Variants in SYNPO2 observed in about 807,000 individuals in gnomAD.
SYNPO2 encodes synaptopodin-2.
A neutral mutation model predicts 85.0 loss-of-function variants in SYNPO2; 56 were observed. The observed-to-expected ratio is 0.66, with a 90% CI of 0.53 to 0.82. The LOEUF (loss-of-function observed/expected upper bound fraction) is 0.82. SYNPO2 is among the 40% of genes least tolerant of loss of function. The pLI, the probability that SYNPO2 is intolerant of heterozygous loss-of-function variation, is 0.00. For synonymous variants in SYNPO2, 602 were observed against 591.1 expected (o/e 1.02, Z -0.27); for missense variants, 1,575 against 1,534.2 (o/e 1.03, Z -0.44).
chr4:118,984,128 C>G (rs1051350319), intron 1 of SYNPO2, among the ~76,000 whole-genome samples: 4 of 152,168 alleles, frequency 2.6e-5, no homozygotes, highest in African/African-American at 9.7e-5. Context: ...TCATGAATCC[C>G]CTCTTCCTCA....
chr4:119,004,077 T>G (rs1736920552), intron 1 of SYNPO2, among the ~76,000 whole-genome samples: 1 of 152,216 alleles, frequency 6.6e-6, no homozygotes, highest in African/African-American at 2.4e-5. Flanking sequence ...ATTCCTGTTT[T>G]CGGCCCTACA....
In SYNPO2 at chr4:119,026,690, C is replaced by T. The variant is rs1737957569; in HGVS notation, c.321C>T (p.Leu107=). Residue 107 remains leucine, a synonymous_variant, in exon 3 of 5, where the codon CTC becomes CTT. Transcript: ENST00000307142. ...SENENKNLEH[L]THGGYVESTT... ...ATGAAAACAAAAACCTCGAGCATCT[C>T]ACACATGGGGGTTATGTGGAAAGTA... The T allele has an allele frequency of 6.2e-7, 1 of 1,613,654 alleles. No homozygotes were observed. The highest frequency in any genetic ancestry group is 1.1e-5 in the South Asian group (1 of 91,066).
rs578165159 is a variant in SYNPO2 at position 118,891,771 on chromosome 4, T to C, written c.105+2630T>C. ...ACAGAAAGGCTAGAGAGATGGTTGC[T>C]GTCAAATCAAATGTTCACAGTTTTG... On this transcript the variant is annotated intron_variant, in intron 1 of 4. Coordinates refer to ENST00000307142, the MANE Select transcript of SYNPO2 (RefSeq NM_133477.3). Among the ~76,000 whole-genome samples the C allele has an allele frequency of 1.5e-3, 221 of 152,318 alleles. 1 individual carries two copies. Among genetic ancestry groups the C allele is most frequent in the African/African-American group, 5.0e-3 (208 of 41,590 alleles).
chr4:118,868,062 A>C (rs1207496107), intron 1 of SYNPO2, among the ~76,000 whole-genome samples: 5 of 151,762 alleles, frequency 3.3e-5, no homozygotes, highest in African/African-American at 9.7e-5. Flanking sequence ...AAAAAAAAAA[A>C]AACTACGTAT....
At chr4:118,857,306 A>G (rs1470813070) in intron 1 of SYNPO2, among the ~76,000 whole-genome samples, 1 of 152,234 alleles carries the variant, frequency 6.6e-6, no homozygotes, top group African/African-American at 2.4e-5. Flanking sequence ...AATTATTAGT[A>G]GTAGGGCATA....
intron 1 of SYNPO2, among the ~76,000 whole-genome samples, chr4:118,927,745 TA>T (rs1341551653): frequency 2.0e-5 from 3 of 149,962 alleles, no homozygotes; most frequent in South Asian, 2.1e-4. Flanking sequence ...GATAGATAGA[TA>T]GATGATAGAT....
At chr4:119,049,116 G>A (rs1738960289) in intron 4 of SYNPO2, among the ~76,000 whole-genome samples, 1 of 152,176 alleles carries the variant, frequency 6.6e-6, no homozygotes, top group African/African-American at 2.4e-5. Flanking sequence ...GTATTTTGAA[G>A]TCAGTGCTGA....
intron 4 of SYNPO2, chr4:119,035,956 G>T: frequency 1.0e-6 from 1 of 985,382 alleles, no homozygotes; most frequent in Non-Finnish European, 1.2e-6. Flanking sequence ...CGAACACTCT[G>T]TGTGGCTCTT....
chr4:119,010,479 A>G (rs2149178530), intron 1 of SYNPO2, among the ~76,000 whole-genome samples: 1 of 152,350 alleles, frequency 6.6e-6, no homozygotes, highest in Admixed American at 6.5e-5. Context: ...AACTACCCCC[A>G]TGACTCACAT....
chr4:119,033,210 A>G, intron 4 of SYNPO2: 1 of 985,384 alleles, frequency 1.0e-6, no homozygotes, highest in Non-Finnish European at 1.2e-6. Flanking sequence ...AGAGCACACA[A>G]TTATTAGCAT....
chr4:118,992,067 G>A (rs1367580965), intron 1 of SYNPO2, among the ~76,000 whole-genome samples: 1 of 152,186 alleles, frequency 6.6e-6, no homozygotes, highest in Non-Finnish European at 1.5e-5. Flanking sequence ...CTTTAGCCTG[G>A]AGGAAAAAGA....
intron 1 of SYNPO2, among the ~76,000 whole-genome samples, chr4:119,021,845 T>C (rs1737735781): frequency 1.3e-5 from 2 of 152,084 alleles, no homozygotes; most frequent in Admixed American, 1.3e-4. Context: ...GCTGCAACTC[T>C]CTAGACTGAA....
intron 3 of SYNPO2, among the ~76,000 whole-genome samples, chr4:119,028,430 C>A (rs915952091): frequency 6.6e-6 from 1 of 152,038 alleles, no homozygotes; most frequent in Non-Finnish European, 1.5e-5. Context: ...TGCTGTTAAT[C>A]ATTCCTTATA....
At chr4:118,855,541 T>G (rs1452274705) in intron 1 of SYNPO2, among the ~76,000 whole-genome samples, 1 of 152,176 alleles carries the variant, frequency 6.6e-6, no homozygotes, top group Non-Finnish European at 1.5e-5. Flanking sequence ...AAATGTAGTT[T>G]CATTGAAAGA....
chr4:118,996,628 G>T (rs1342236994), intron 1 of SYNPO2, among the ~76,000 whole-genome samples: 1 of 150,818 alleles, frequency 6.6e-6, no homozygotes, highest in East Asian at 2.0e-4. Flanking sequence ...GAGGCCAGTG[G>T]GGGTGGATCA....
At chr4:119,038,660 A>G in intron 4 of SYNPO2, 1 of 776,704 alleles carries the variant, frequency 1.3e-6, no homozygotes, top group Non-Finnish European at 1.6e-6. Context: ...ATAATTCTAA[A>G]CAGAATAACG....
At chr4:119,038,544 C>A (rs931272186) in intron 4 of SYNPO2, 20 of 985,244 alleles carry the variant, frequency 2.0e-5, no homozygotes, top group Non-Finnish European at 2.4e-5. Context: ...TGGCTTTCTG[C>A]CATTTTAACT....
chr4:119,011,601 T>C (rs982204832), intron 1 of SYNPO2, among the ~76,000 whole-genome samples: 1 of 152,156 alleles, frequency 6.6e-6, no homozygotes, highest in Non-Finnish European at 1.5e-5. Flanking sequence ...AAAGAGACTA[T>C]GAAAAAAGAA....
rs1162980674 is a variant in SYNPO2, at chr4:119,029,954, G to C, written c.1179G>C (p.Gly393=). The change falls in exon 4 of 5, where the codon GGG becomes GGC. Residue 393 remains glycine (G), a synonymous_variant. Coordinates refer to ENST00000307142, the MANE Select transcript of SYNPO2 (RefSeq NM_133477.3). The part of the protein sequence containing the change: ...LTDAPNPNSK[G]VLMFKKRRRR... ...ATGCTCCCAACCCCAACTCCAAGGG[G>C]GTGTTGATGTTTAAGAAGCGACGTC... 6.2e-7 allele frequency: 1 copy of C among 1,614,090 alleles called. No homozygotes were observed.
Sources: allele counts gnomAD v4.1 joint callset (sites outside exome capture counted in the v4.1 genomes callset), GRCh38; gene constraint gnomAD v4.1.1; transcripts MANE v1.5; gene names NCBI Gene and HGNC (gene_info 2026-07-23, HGNC 2026-07-21).